The following GUCY1A2 variants were observed in gnomAD, a reference collection of about 807,000 sequenced individuals.
GUCY1A2 encodes the protein guanylate cyclase 1 soluble subunit alpha 2.
In GUCY1A2, 27 loss-of-function variants were observed where a neutral mutation model predicts 63.5. The observed-to-expected ratio is 0.43, with a 90% CI of 0.31 to 0.59. GUCY1A2 has a LOEUF of 0.59. Among genes scored for constraint, GUCY1A2 ranks in the 20% least tolerant of loss-of-function variants. GUCY1A2 has a pLI of 0.11. For missense variants in GUCY1A2, 768 were observed against 913.3 expected (o/e 0.84, Z 2.05); for synonymous variants, 364 against 343.5 (o/e 1.06, Z -0.66).
At chr11:107,017,285 C>G (rs1180798885) in intron 1 of GUCY1A2, among the ~76,000 whole-genome samples, 1 of 152,030 alleles carries the variant, frequency 6.6e-6, no homozygotes, top group Non-Finnish European at 1.5e-5. Flanking sequence ...CACGCTAAGA[C>G]CAAGAGAGTG....
At chr11:106,819,723 T>C (rs543364059) in intron 4 of GUCY1A2, among the ~76,000 whole-genome samples, 15 of 152,300 alleles carry the variant, frequency 9.8e-5, no homozygotes, top group Middle Eastern at 3.4e-3. Context: ...CTTGTAATAT[T>C]TGTTTTATTG....
chr11:106,885,889 G>A (rs942465969), intron 4 of GUCY1A2, among the ~76,000 whole-genome samples: 1 of 152,136 alleles, frequency 6.6e-6, no homozygotes, highest in African/African-American at 2.4e-5. Context: ...TGCGTTGATT[G>A]TACATTCCCC....
At chr11:106,842,817 T>C (rs1363049109) in intron 4 of GUCY1A2, among the ~76,000 whole-genome samples, 1 of 151,936 alleles carries the variant, frequency 6.6e-6, no homozygotes, top group Non-Finnish European at 1.5e-5. Context: ...GATTCTCAAA[T>C]AAGCTTCTGA....
At chr11:107,012,908 T>C (rs1861767366) in intron 1 of GUCY1A2, among the ~76,000 whole-genome samples, 1 of 152,212 alleles carries the variant, frequency 6.6e-6, no homozygotes, top group African/African-American at 2.4e-5. Context: ...TTTTTCATTG[T>C]CTACATGTTA....
At chr11:106,710,313 GTATATAATATAGTTATA>G (rs1463354229) in intron 6 of GUCY1A2, among the ~76,000 whole-genome samples, 5 of 8,570 alleles carry the variant, frequency 5.8e-4, no homozygotes, top group Non-Finnish European at 9.0e-4. Context: ...TTATATACAT[GTATATAATATAGTTATA>G]TATATAATAT....
chr11:106,970,453 A>G (rs532298639), intron 3 of GUCY1A2, among the ~76,000 whole-genome samples: 5 of 152,342 alleles, frequency 3.3e-5, no homozygotes, highest in Non-Finnish European at 5.9e-5. Flanking sequence ...AAACCAGAAA[A>G]CAAAATTCTT....
intron 4 of GUCY1A2, among the ~76,000 whole-genome samples, chr11:106,893,610 A>G (rs1860004781): frequency 6.6e-6 from 1 of 152,162 alleles, no homozygotes; most frequent in South Asian, 2.1e-4. Flanking sequence ...ACAATAAGTA[A>G]AAAGCAGAAT....
chr11:106,687,538 T>C lies in GUCY1A2; in HGVS notation c.*11A>G. The C allele has an allele frequency of 6.2e-7, 1 of 1,603,194 alleles. No homozygotes were observed. Among genetic ancestry groups the C allele is most frequent in the African/African-American group, 1.3e-5 (1 of 74,782 alleles). On this transcript the variant is annotated 3_prime_UTR_variant, in exon 8 of 8. Transcript: ENST00000526355. ...GTGCTTTTTGGAGGAGTCTTTGATC[T>C]GTAGCAGGTCTCAGAGGCTTGTCTC... is the stretch of plus-strand genomic sequence containing the variant.
intron 4 of GUCY1A2, among the ~76,000 whole-genome samples, chr11:106,876,124 T>C (rs968513863): frequency 6.6e-6 from 1 of 152,076 alleles, no homozygotes; most frequent in Non-Finnish European, 1.5e-5. Context: ...ATCACAAATT[T>C]AATAATTAAA....
chr11:106,839,942 G>A (rs1426866410), intron 4 of GUCY1A2, among the ~76,000 whole-genome samples: 1 of 151,704 alleles, frequency 6.6e-6, no homozygotes, highest in Non-Finnish European at 1.5e-5. Flanking sequence ...ACACCAACAT[G>A]GCACATGTAT....
intron 6 of GUCY1A2, among the ~76,000 whole-genome samples, chr11:106,762,064 T>C (rs1221013571): frequency 3.3e-5 from 5 of 152,132 alleles, no homozygotes; most frequent in Non-Finnish European, 7.4e-5. Context: ...AAATTACTAA[T>C]TTGTATTTTG....
chr11:106,854,963 C>T (rs148628182), intron 4 of GUCY1A2, among the ~76,000 whole-genome samples: 6 of 152,254 alleles, frequency 3.9e-5, no homozygotes, highest in African/African-American at 1.4e-4. Context: ...AGCCACAATG[C>T]CAGATTTAGC....
intron 6 of GUCY1A2, among the ~76,000 whole-genome samples, chr11:106,740,648 C>CTGTATGTA (rs6144494): frequency 0.095 from 14,151 of 148,746 alleles, 1,023 homozygotes; most frequent in African/African-American, 0.2. Context: ...GACCATATCA[C>CTGTATGTA]TGTATGTATG....
chr11:106,951,265 G>A (rs978417558), intron 3 of GUCY1A2, among the ~76,000 whole-genome samples: 8 of 152,162 alleles, frequency 5.3e-5, no homozygotes, highest in African/African-American at 1.4e-4. Context: ...CCAGTAATGG[G>A]GTTGCTGGGT....
At chr11:106,868,362 G>A (rs1477728711) in intron 4 of GUCY1A2, among the ~76,000 whole-genome samples, 2 of 151,688 alleles carry the variant, frequency 1.3e-5, no homozygotes, top group Admixed American at 6.6e-5. Context: ...AAACCCCATC[G>A]TCTCAGCCCC....
At chr11:106,879,822 A>C (rs1859799545) in intron 4 of GUCY1A2, among the ~76,000 whole-genome samples, 1 of 152,084 alleles carries the variant, frequency 6.6e-6, no homozygotes. Context: ...CTGAGCCATG[A>C]AATGAAAAGA....
chr11:106,884,121 T>C (rs1565319936), intron 4 of GUCY1A2, among the ~76,000 whole-genome samples: 1 of 152,062 alleles, frequency 6.6e-6, no homozygotes, highest in East Asian at 1.9e-4. Flanking sequence ...ACATGGCACA[T>C]GTATACGTAT....
chr11:106,842,178 T>C (rs1859207971), intron 4 of GUCY1A2, among the ~76,000 whole-genome samples: 1 of 151,868 alleles, frequency 6.6e-6, no homozygotes, highest in African/African-American at 2.4e-5. Flanking sequence ...CAGTGGGCCC[T>C]TCCCACTGTT....
At chr11:106,873,686 A>G (rs1264066357) in intron 4 of GUCY1A2, among the ~76,000 whole-genome samples, 1 of 152,168 alleles carries the variant, frequency 6.6e-6, no homozygotes, top group Non-Finnish European at 1.5e-5. Context: ...TCAGATGGGT[A>G]GATTGCAAAA....
Sources: allele counts gnomAD v4.1 joint callset (sites outside exome capture counted in the v4.1 genomes callset), GRCh38; gene constraint gnomAD v4.1.1; transcripts MANE v1.5; gene names NCBI Gene and HGNC (gene_info 2026-07-23, HGNC 2026-07-21).